Variants in INPP4B observed in about 807,000 individuals in gnomAD.
The protein encoded by INPP4B is inositol polyphosphate 4-phosphatase type II.
Under a neutral mutation model 122.5 loss-of-function variants are expected in INPP4B, and 55 were observed. The observed-to-expected ratio is 0.45, with a 90% CI of 0.36 to 0.56. INPP4B has a LOEUF of 0.56. Among genes scored for constraint, INPP4B ranks in the 20% least tolerant of loss-of-function variants. The pLI is 0.00. For missense variants in INPP4B, 1,000 were observed against 1,097.7 expected (o/e 0.91, Z 1.26); for synonymous variants, 403 against 388.7 (o/e 1.04, Z -0.43).
At chr4:142,496,597 T>C (rs919892734) in intron 2 of INPP4B, among the ~76,000 whole-genome samples, 2 of 152,180 alleles carry the variant, frequency 1.3e-5, no homozygotes, top group African/African-American at 4.8e-5. Context: ...CAGACCTCTT[T>C]CCTTTCTTTG....
At chr4:142,308,873 C>T (rs562465324) in intron 8 of INPP4B, among the ~76,000 whole-genome samples, 1 of 152,184 alleles carries the variant, frequency 6.6e-6, no homozygotes, top group Admixed American at 6.5e-5. Context: ...GGCTCTAAAT[C>T]AGTTATTCTG....
intron 21 of INPP4B, among the ~76,000 whole-genome samples, chr4:142,118,074 T>A (rs1794626688): frequency 6.6e-6 from 1 of 151,992 alleles, no homozygotes; most frequent in South Asian, 2.1e-4. Flanking sequence ...TAACTAGGAA[T>A]CCAACTTACA....
intron 1 of INPP4B, among the ~76,000 whole-genome samples, chr4:142,752,073 ACAAACTCTGTAAGCCTAGAGGC>A: frequency 2.6e-5 from 4 of 152,052 alleles, no homozygotes; most frequent in African/African-American, 9.7e-5. Flanking sequence ...AAGCTAAAAC[ACAAACTCTGTAAGCCTAGAGGC>A]ATCTAAGTTG....
intron 15 of INPP4B, among the ~76,000 whole-genome samples, chr4:142,190,374 A>G (rs1014968245): frequency 4.6e-5 from 7 of 152,116 alleles, no homozygotes; most frequent in Admixed American, 4.6e-4. Context: ...CTGTTGACTG[A>G]CGTGCAATAT....
chr4:142,206,339 C>G (rs1842566245), intron 14 of INPP4B, among the ~76,000 whole-genome samples: 2 of 140,850 alleles, frequency 1.4e-5, no homozygotes. Context: ...TTGGGCCCAT[C>G]CATCTCTCTC....
chr4:142,148,310 G>A (rs1811889281), intron 17 of INPP4B, among the ~76,000 whole-genome samples: 1 of 152,058 alleles, frequency 6.6e-6, no homozygotes, highest in Non-Finnish European at 1.5e-5. Context: ...GATCTCCTGG[G>A]TTCAAATGAT....
intron 1 of INPP4B, among the ~76,000 whole-genome samples, chr4:142,823,765 C>T (rs1367918030): frequency 6.6e-6 from 1 of 152,094 alleles, no homozygotes; most frequent in African/African-American, 2.4e-5. Flanking sequence ...CTTGGAGGCT[C>T]CAATGAGAAA....
At chr4:142,140,180 G>A (rs529369220) in intron 18 of INPP4B, among the ~76,000 whole-genome samples, 36 of 152,318 alleles carry the variant, frequency 2.4e-4, no homozygotes, top group African/African-American at 8.7e-4. Context: ...TCTACATGGA[G>A]GTTTACTGCC....
At position 142,408,786 on chromosome 4, in the gene INPP4B, CAGT is replaced by C. The variant is rs371876658; in HGVS notation, c.137-3465_137-3463del. ...AATGCTACTGCAATCCTTCATTCATCAGTAGATTTTTAATTTCTGCCTTCTTAA... is the reference window on the plus strand; with the variant it reads ...AATGCTACTGCAATCCTTCATTCATCAGATTTTTAATTTCTGCCTTCTTAA... On this transcript the variant is annotated intron_variant, in intron 5 of 25. Coordinates refer to ENST00000262992, the MANE Select transcript of INPP4B (RefSeq NM_001101669.3). Among the ~76,000 whole-genome samples the C allele has an allele frequency of 5.2e-3, 790 of 152,226 alleles. 6 individuals are homozygous for C. Among genetic ancestry groups the C allele is most frequent in the African/African-American group, 0.018 (751 of 41,548 alleles).
chr4:142,053,049 G>A (rs1471338830), intron 25 of INPP4B, among the ~76,000 whole-genome samples: 1 of 152,026 alleles, frequency 6.6e-6, no homozygotes, highest in African/African-American at 2.4e-5. Context: ...CATAGACAAA[G>A]GAACAATGAA....
intron 1 of INPP4B, among the ~76,000 whole-genome samples, chr4:142,758,928 GAGAGAC>G (rs1281373295): frequency 6.8e-6 from 1 of 147,264 alleles, no homozygotes; most frequent in Non-Finnish European, 1.5e-5. Context: ...ACTCCAGCCT[GAGAGAC>G]AGAGTGAGAC....
chr4:142,333,039 C>T (rs367998293), intron 7 of INPP4B, among the ~76,000 whole-genome samples: 6 of 139,994 alleles, frequency 4.3e-5, no homozygotes, highest in Non-Finnish European at 9.3e-5. Flanking sequence ...AAAAAAAAAA[C>T]CTTCTAAAAC....
intron 2 of INPP4B, among the ~76,000 whole-genome samples, chr4:142,632,675 T>C (rs558615403): frequency 4.6e-5 from 7 of 152,080 alleles, no homozygotes; most frequent in East Asian, 3.9e-4. Context: ...CCAATGATAA[T>C]AGCATATACT....
At chr4:142,543,904 A>G (rs553239621) in intron 2 of INPP4B, among the ~76,000 whole-genome samples, 33 of 152,282 alleles carry the variant, frequency 2.2e-4, no homozygotes, top group African/African-American at 7.9e-4. Context: ...AGGAATGTCC[A>G]CCCAGAAGTA....
intron 1 of INPP4B, among the ~76,000 whole-genome samples, chr4:142,757,721 T>C (rs1361136753): frequency 8.9e-6 from 1 of 112,550 alleles, no homozygotes; most frequent in Non-Finnish European, 1.8e-5. Context: ...ATTTGGGCAA[T>C]TATGAATATA....
chr4:142,829,634 A>G (rs770870016), intron 1 of INPP4B, among the ~76,000 whole-genome samples: 1 of 152,192 alleles, frequency 6.6e-6, no homozygotes, highest in Non-Finnish European at 1.5e-5. Flanking sequence ...GAAATTCTTA[A>G]TCGTAACAAT....
At chr4:142,354,964 T>A (rs952554049) in intron 7 of INPP4B, among the ~76,000 whole-genome samples, 1 of 152,016 alleles carries the variant, frequency 6.6e-6, no homozygotes, top group Non-Finnish European at 1.5e-5. Flanking sequence ...GGGGTTCAGA[T>A]AGCTTGTGGC....
intron 10 of INPP4B, among the ~76,000 whole-genome samples, chr4:142,266,725 A>G (rs553107245): frequency 6.6e-6 from 1 of 152,318 alleles, no homozygotes; most frequent in East Asian, 1.9e-4. Flanking sequence ...CAATCAGACA[A>G]GAAAAAGAAA....
chr4:142,328,868 C>T (rs1180648217), intron 7 of INPP4B, among the ~76,000 whole-genome samples: 2 of 152,142 alleles, frequency 1.3e-5, no homozygotes, highest in Non-Finnish European at 2.9e-5. Flanking sequence ...GAAACACTGC[C>T]ATGGTGGGTC....
Sources: allele counts gnomAD v4.1 joint callset (sites outside exome capture counted in the v4.1 genomes callset), GRCh38; gene constraint gnomAD v4.1.1; transcripts MANE v1.5; gene names NCBI Gene and HGNC (gene_info 2026-07-23, HGNC 2026-07-21).